The following SNTG1 variants were observed in gnomAD, a reference collection of about 807,000 sequenced individuals.
SNTG1 encodes syntrophin gamma 1.
SNTG1 carries 39 observed loss-of-function variants against 74.7 expected under a neutral mutation model. The observed-to-expected ratio is 0.52, with a 90% CI of 0.40 to 0.68. The LOEUF is 0.68. SNTG1 is among the 30% of genes least tolerant of loss of function. The pLI is 0.00. For synonymous variants in SNTG1, 254 were observed against 217.1 expected (o/e 1.17, Z -1.49); for missense variants, 685 against 609.5 (o/e 1.12, Z -1.30).
At chr8:50,680,528 T>G (rs1382479978) in intron 15 of SNTG1, among the ~76,000 whole-genome samples, 2 of 152,160 alleles carry the variant, frequency 1.3e-5, no homozygotes, top group Non-Finnish European at 2.9e-5. Context: ...ATTTTCAGAT[T>G]CTTTTTCTGC....
At chr8:50,702,209 A>C (rs12549578) in intron 15 of SNTG1, among the ~76,000 whole-genome samples, 1 of 152,026 alleles carries the variant, frequency 6.6e-6, no homozygotes, top group African/African-American at 2.4e-5. Context: ...TTACTTGTGT[A>C]GTTATTATCT....
chr8:50,168,374 A>T lies in SNTG1; in HGVS notation c.-102-4187A>T, dbSNP rs545086497. Among the ~76,000 whole-genome samples the T allele has an allele frequency of 5.9e-5, 9 of 152,286 alleles. 1 individual carries two copies. The highest frequency in any genetic ancestry group is 2.2e-4 in the African/African-American group (9 of 41,590). ...TTCCATTCCTTATATTACTGCCATTAAGTAACAATTTGTTTTTTTCTCTAA... is the reference window on the plus strand; with the variant it reads ...TTCCATTCCTTATATTACTGCCATTTAGTAACAATTTGTTTTTTTCTCTAA... On this transcript the variant is annotated intron_variant, in intron 1 of 18. Coordinates refer to ENST00000642720, the MANE Select transcript of SNTG1 (RefSeq NM_018967.5).
chr8:50,086,189 C>T (rs1822870107), intron 1 of SNTG1, among the ~76,000 whole-genome samples: 1 of 152,170 alleles, frequency 6.6e-6, no homozygotes, highest in South Asian at 2.1e-4. Flanking sequence ...CAGAGAGCTG[C>T]ATCTGATGTT....
At chr8:50,719,777 A>G (rs1165315840) in intron 17 of SNTG1, among the ~76,000 whole-genome samples, 2 of 152,200 alleles carry the variant, frequency 1.3e-5, no homozygotes. Flanking sequence ...GTAATACATC[A>G]ACTTACCAGA....
At chr8:50,470,376 A>C (rs565376559) in intron 8 of SNTG1, among the ~76,000 whole-genome samples, 1 of 152,092 alleles carries the variant, frequency 6.6e-6, no homozygotes, top group Non-Finnish European at 1.5e-5. Flanking sequence ...GAAGCTGCAG[A>C]CCCTCACGGT....
At chr8:50,657,065 AT>A in intron 14 of SNTG1, 40 bp downstream of exon 14, 1 of 1,208,790 alleles carries the variant, frequency 8.3e-7, no homozygotes, top group Non-Finnish European at 1.1e-6. Context: ...TTTCCATATT[AT>A]CACAAGAGAT....
At chr8:50,587,830 T>A (rs113237428) in intron 12 of SNTG1, among the ~76,000 whole-genome samples, 6,820 of 139,184 alleles carry the variant, frequency 0.049, 515 homozygotes, top group African/African-American at 0.17. Context: ...GAAAAAAAAA[T>A]TTAGCGGCTC....
intron 2 of SNTG1, among the ~76,000 whole-genome samples, chr8:50,214,397 C>A (rs1011320038): frequency 6.7e-6 from 1 of 150,098 alleles, no homozygotes; most frequent in East Asian, 2.0e-4. Context: ...ACCCTAAAAC[C>A]TAAAGTATAA....
At chr8:50,530,578 T>C (rs1371394383) in intron 10 of SNTG1, among the ~76,000 whole-genome samples, 1 of 152,218 alleles carries the variant, frequency 6.6e-6, no homozygotes, top group African/African-American at 2.4e-5. Context: ...GCTTTGACAT[T>C]AGTTTTCTCA....
rs1221764093 is a variant in SNTG1 at position 50,651,274 on chromosome 8, T to C, written c.850-5635T>C. On this transcript the variant is annotated intron_variant, in intron 13 of 18. Coordinates refer to ENST00000642720, the MANE Select transcript of SNTG1 (RefSeq NM_018967.5). ...GGGTCTCTCCTTATCTCTCATACTT[T>C]CTCTCTTTCTTCCTAAACTTTTTCT... Among the ~76,000 whole-genome samples, 3 of 151,040 alleles carry C rather than the reference T, an allele frequency of 2.0e-5. No individual in the cohort carries two copies. In the East Asian group the frequency reaches 5.8e-4, roughly 29 times the overall value.
intron 2 of SNTG1, among the ~76,000 whole-genome samples, chr8:50,344,783 A>G (rs1563923042): frequency 6.6e-6 from 1 of 152,198 alleles, no homozygotes. Flanking sequence ...CTATGAGCTG[A>G]ATTGCATTTC....
intron 15 of SNTG1, among the ~76,000 whole-genome samples, chr8:50,676,428 G>A (rs1188688098): frequency 6.6e-6 from 1 of 151,908 alleles, no homozygotes; most frequent in South Asian, 2.1e-4. Context: ...ATTGATGCTT[G>A]TGTATGCTTC....
chr8:50,748,083 C>T (rs1444880276), intron 17 of SNTG1, among the ~76,000 whole-genome samples: 1 of 151,992 alleles, frequency 6.6e-6, no homozygotes, highest in Non-Finnish European at 1.5e-5. Flanking sequence ...TGTTACCACT[C>T]ACCATTAAAA....
intron 2 of SNTG1, among the ~76,000 whole-genome samples, chr8:50,181,464 G>A (rs1371496501): frequency 6.6e-6 from 1 of 152,142 alleles, no homozygotes; most frequent in Non-Finnish European, 1.5e-5. Context: ...CTACCTCCAT[G>A]AATAGGTGGG....
intron 18 of SNTG1, among the ~76,000 whole-genome samples, chr8:50,770,721 T>C (rs570766498): frequency 3.4e-4 from 51 of 152,174 alleles, no homozygotes; most frequent in Admixed American, 2.8e-3. Flanking sequence ...GTCTGGGTCA[T>C]AGTGGTGAAT....
intron 13 of SNTG1, among the ~76,000 whole-genome samples, chr8:50,645,699 C>A (rs10111994): frequency 1.3e-5 from 2 of 152,114 alleles, no homozygotes; most frequent in African/African-American, 4.8e-5. Flanking sequence ...ATGAAGGGCT[C>A]GTGGAACACT....
chr8:50,401,408 T>G (rs1375458592), intron 3 of SNTG1, among the ~76,000 whole-genome samples: 1 of 152,188 alleles, frequency 6.6e-6, no homozygotes, highest in Non-Finnish European at 1.5e-5. Context: ...ACTAAGATAA[T>G]AGCACAAGTT....
chr8:50,429,484 A>G (rs1052746598), intron 4 of SNTG1, among the ~76,000 whole-genome samples: 3 of 152,168 alleles, frequency 2.0e-5, no homozygotes, highest in African/African-American at 4.8e-5. Flanking sequence ...AAGTTAATTC[A>G]AACTGCATGA....
intron 1 of SNTG1, among the ~76,000 whole-genome samples, chr8:49,936,252 T>G (rs1808071322): frequency 6.6e-6 from 1 of 152,202 alleles, no homozygotes; most frequent in Non-Finnish European, 1.5e-5. Flanking sequence ...AAATAAATTT[T>G]ATAATTGATT....
Sources: gnomAD v4.1 joint callset for allele counts (sites outside exome capture counted in the v4.1 genomes callset) on GRCh38, gnomAD v4.1.1 for gene constraint, MANE v1.5 for transcripts, NCBI Gene and HGNC (gene_info 2026-07-23, HGNC 2026-07-21) for gene names.